Variants in GABRA4 observed in about 807,000 individuals in gnomAD.
The protein encoded by GABRA4 is gamma-aminobutyric acid receptor subunit alpha-4.
Under a neutral mutation model 49.7 loss-of-function variants are expected in GABRA4, and 12 were observed. The ratio of observed to expected loss-of-function variants is 0.24; its 90% CI spans 0.15 to 0.39. GABRA4 has a LOEUF of 0.39. GABRA4 is among the 10% of genes least tolerant of loss of function. GABRA4 has a pLI of 1.00. For missense variants in GABRA4, 506 were observed against 686.0 expected (o/e 0.74, Z 2.93); for synonymous variants, 288 against 240.2 (o/e 1.20, Z -1.84).
At chr4:46,950,419 A>T (rs1320439633) in intron 8 of GABRA4, among the ~76,000 whole-genome samples, 1 of 152,016 alleles carries the variant, frequency 6.6e-6, no homozygotes. Context: ...TTCATGACAA[A>T]TTCTTATTAA....
At chr4:46,951,592 T>G (rs886712441) in intron 8 of GABRA4, among the ~76,000 whole-genome samples, 1 of 151,966 alleles carries the variant, frequency 6.6e-6, no homozygotes, top group Admixed American at 6.6e-5. Context: ...TTTGGAGATG[T>G]CAATCCCAAT....
chr4:46,938,825 C>CTCAT (rs3046812), intron 8 of GABRA4, among the ~76,000 whole-genome samples: 44 of 152,104 alleles, frequency 2.9e-4, no homozygotes, highest in East Asian at 1.4e-3. Flanking sequence ...ACTGATTCAA[C>CTCAT]TCATTCATTC....
intron 8 of GABRA4, among the ~76,000 whole-genome samples, chr4:46,961,084 A>G (rs1722556844): frequency 6.6e-6 from 1 of 151,894 alleles, no homozygotes; most frequent in Non-Finnish European, 1.5e-5. Context: ...AAACTAATAA[A>G]TAGTATGTAA....
chr4:46,993,321 G>T lies in GABRA4; in HGVS notation c.86+18C>A, dbSNP rs200743268. On this transcript the variant is annotated intron_variant, in intron 1 of 8. Coordinates refer to ENST00000264318, the MANE Select transcript of GABRA4 (RefSeq NM_000809.4). ...TCCACTTTCCGTTGCCCACCTCCTC[G>T]CACCCCAGAGAACTCACCAAACCGC... 16 of 1,609,530 alleles carry T rather than the reference G, an allele frequency of 9.9e-6. No individual in the cohort carries two copies. The highest frequency in any genetic ancestry group is 2.2e-5 in the East Asian group (1 of 44,874).
At chr4:46,963,560 C>T (rs567751381) in intron 8 of GABRA4, among the ~76,000 whole-genome samples, 6 of 151,916 alleles carry the variant, frequency 3.9e-5, no homozygotes, top group African/African-American at 1.4e-4. Flanking sequence ...GAGGCCTCCC[C>T]AGCCATATGA....
chr4:46,968,033 A>AT (rs1045272496), intron 7 of GABRA4, among the ~76,000 whole-genome samples: 15 of 151,172 alleles, frequency 9.9e-5, no homozygotes, highest in African/African-American at 1.5e-4. Flanking sequence ...TATTACACTG[A>AT]TTTTTTTTGC....
intron 7 of GABRA4, among the ~76,000 whole-genome samples, chr4:46,970,475 C>T (rs543404631): frequency 7.9e-5 from 12 of 151,454 alleles, no homozygotes; most frequent in African/African-American, 2.2e-4. Context: ...AAATTGTAAA[C>T]TCATATGCTC....
rs529267510 is a variant in GABRA4, at chr4:46,923,560, A to G, written c.*4665T>C. 6.6e-6 allele frequency: 1 copy of G among 152,210 alleles called. No individual in the cohort carries two copies. The highest frequency in any genetic ancestry group is 2.1e-4 in the South Asian group (1 of 4,822). 9.4% of individuals were successfully genotyped at this position (152,210 alleles called of 1,614,324 possible). On this transcript the variant is annotated 3_prime_UTR_variant, in exon 9 of 9. Coordinates refer to ENST00000264318, the MANE Select transcript of GABRA4 (RefSeq NM_000809.4). ...CAGTCATGTATCACTTTTACAAATG[A>G]CAATGAAGTCATTGCGGTCAAAAAA...
At chr4:46,978,687 C>CAAAAAAAAAAAA (rs71193889) in intron 3 of GABRA4, among the ~76,000 whole-genome samples, 48 of 21,610 alleles carry the variant, frequency 2.2e-3, no homozygotes, top group Admixed American at 4.1e-3. Context: ...AACTTCATCT[C>CAAAAAAAAAAAA]AAAAAAAAAA....
Position 46,921,405 on chromosome 4 carries a change from T to A in GABRA4, c.*6820A>T, listed in dbSNP as rs1333711352. The stretch of plus-strand genomic sequence containing the variant: ...GAAAATACAAAGGAAAGGGAAGCAA[T>A]CTCAGAGGAAAACTCTGGGATTCCC... On this transcript the variant is annotated 3_prime_UTR_variant, in exon 9 of 9. Transcript: ENST00000264318. 1 of 151,828 alleles carries A rather than the reference T, an allele frequency of 6.6e-6. No individual in the cohort carries two copies. The highest frequency in any genetic ancestry group is 2.4e-5 in the African/African-American group (1 of 41,374). 9.4% of individuals were successfully genotyped at this position (151,828 alleles called of 1,614,324 possible). A position where few individuals can be genotyped will look rare whatever the true frequency, so the allele number is the denominator to read the frequency against.
At chr4:46,978,795 G>A (rs1409294180) in intron 3 of GABRA4, among the ~76,000 whole-genome samples, 1 of 151,414 alleles carries the variant, frequency 6.6e-6, no homozygotes, top group Non-Finnish European at 1.5e-5. Context: ...CCAGTAATAG[G>A]AAAGTTCTTC....
rs1352591364 is a variant in GABRA4 at position 46,964,952 on chromosome 4, G to A, written c.1134+18C>T. On this transcript the variant is annotated intron_variant, in intron 8 of 8. Coordinates refer to ENST00000264318, the MANE Select transcript of GABRA4 (RefSeq NM_000809.4). ...AAGAAGCTAAAATCTTAAACTGAAG[G>A]TGGATTAAGTCAAATACCTGCAGAG... is the stretch of plus-strand genomic sequence containing the variant. 1.3e-6 allele frequency: 2 copies of A among 1,546,862 alleles called. No individual in the cohort carries two copies. Among genetic ancestry groups the A allele is most frequent in the Non-Finnish European group, 1.7e-6 (2 of 1,146,146 alleles).
chr4:46,929,943 G>A lies in GABRA4; in HGVS notation c.1135-1188C>T, dbSNP rs1021089581. ...CACAGATACTAATAATATATGAAGT[G>A]GGTAGATTATATACAATTAATTGAA... On this transcript the variant is annotated intron_variant, in intron 8 of 8. Coordinates refer to ENST00000264318, the MANE Select transcript of GABRA4 (RefSeq NM_000809.4). 2.0e-5 allele frequency among the ~76,000 whole-genome samples: 3 copies of A among 151,980 alleles called. No individual in the cohort carries two copies. In the East Asian group the frequency reaches 5.8e-4, roughly 29 times the overall value.
At position 46,977,009 on chromosome 4, in the gene GABRA4, T is replaced by C; in HGVS notation, c.577+52A>G. On this transcript the variant is annotated intron_variant, in intron 5 of 8. Transcript: ENST00000264318. ...AAAAATAAAATACATGTGTAAATAT[T>C]AGCTTGCATGAGGTAATCATAAATT... 6 of 999,404 alleles carry C rather than the reference T, an allele frequency of 6.0e-6. No homozygotes were observed. In the South Asian group the frequency reaches 6.8e-5, roughly 11 times the overall value. 61.9% of individuals were successfully genotyped at this position (999,404 alleles called of 1,614,324 possible).
At chr4:46,979,002 A>T (rs1177077222) in intron 3 of GABRA4, 29 bp downstream of exon 3, 2 of 1,452,976 alleles carry the variant, frequency 1.4e-6, no homozygotes, top group Admixed American at 1.7e-5. Context: ...CAAGTCTCAA[A>T]AGGTACATTA....
In GABRA4 at chr4:46,977,106, C is replaced by G; in HGVS notation, c.532G>C (p.Asp178His). 6.2e-7 allele frequency: 1 copy of G among 1,610,170 alleles called. No individual in the cohort carries two copies. The highest frequency in any genetic ancestry group is 8.5e-7 in the Non-Finnish European group (1 of 1,177,772). Residue 178 changes from aspartate to histidine, a missense_variant, in exon 5 of 9, where the codon GAT (aspartate) becomes CAT (histidine). This residue lies in a region of GABRA4 where 195 missense variants were observed against 326.0 expected (regional missense o/e 0.60). Coordinates refer to ENST00000264318, the MANE Select transcript of GABRA4 (RefSeq NM_000809.4). ...CATGCATGACCATCCATGGGAAAAT[C>G]CACCAATCTCATGGGACACTCCGCA... ...ISAECPMRLV[D>H]FPMDGHACPL...
chr4:46,950,733 A>AATTAATT lies in GABRA4; in HGVS notation c.1134+14236_1134+14237insAATTAAT, dbSNP rs1553903641. 3.1e-5 allele frequency among the ~76,000 whole-genome samples: 4 copies of AATTAATT among 129,796 alleles called. No homozygotes were observed. In the South Asian group the frequency reaches 9.1e-4, roughly 30 times the overall value. 85.2% of individuals were successfully genotyped at this position (129,796 alleles called of 152,430 possible). ...TCTCTAAGAAAATAAATAAATAAATAAATAAATAAATAAATTACTATATGC... is the reference window on the plus strand; with the variant it reads ...TCTCTAAGAAAATAAATAAATAAATAATTAATTAATAAATAAATAAATTACTATATGC... On this transcript the variant is annotated intron_variant, in intron 8 of 8. Transcript: ENST00000264318.
chr4:46,971,363 CAA>C, intron 6 of GABRA4, 128 bp from the exon 7 acceptor site: 1 of 775,982 alleles, frequency 1.3e-6, no homozygotes, highest in South Asian at 1.6e-5. Flanking sequence ...CATAGCTACA[CAA>C]ACATCAATAA....
chr4:46,955,761 A>T (rs1458071340), intron 8 of GABRA4, among the ~76,000 whole-genome samples: 2 of 152,078 alleles, frequency 1.3e-5, no homozygotes, highest in Admixed American at 6.6e-5. Context: ...GTGGCAGTAA[A>T]AATCTGGCAG....
Sources: gnomAD v4.1 joint callset for allele counts (sites outside exome capture counted in the v4.1 genomes callset) on GRCh38, gnomAD v4.1.1 for gene constraint, gnomAD v4.1.1 regional missense constraint, MANE v1.5 for transcripts, NCBI Gene and HGNC (gene_info 2026-07-23, HGNC 2026-07-21) for gene names.